The following GOSR2 variants were observed in gnomAD, a reference collection of about 807,000 sequenced individuals.
GOSR2 encodes the protein 27 kDa Golgi SNARE protein.
GOSR2 carries 20 observed loss-of-function variants against 27.9 expected under a neutral mutation model. That is an observed-to-expected ratio of 0.72 (90% CI 0.50 to 1.04). The LOEUF (loss-of-function observed/expected upper bound fraction) is 1.04. Among genes scored for constraint, GOSR2 ranks in the 50% least tolerant of loss-of-function variants. The pLI, the probability that GOSR2 is intolerant of heterozygous loss-of-function variation, is 0.00. For missense variants in GOSR2, 261 were observed against 270.5 expected (o/e 0.97, Z 0.25); for synonymous variants, 91 against 98.8 (o/e 0.92, Z 0.47).
At chr17:46,953,026 TTTA>T (rs769524542) in intron 6 of GOSR2, among the ~76,000 whole-genome samples, 67 of 152,092 alleles carry the variant, frequency 4.4e-4, no homozygotes, top group Admixed American at 9.2e-4. Context: ...GTTTTTAAAT[TTTA>T]TTATTATTTT....
At chr17:46,961,029 T>G (rs1270975621) in intron 6 of GOSR2, among the ~76,000 whole-genome samples, 3 of 150,978 alleles carry the variant, frequency 2.0e-5, no homozygotes, top group African/African-American at 7.3e-5. Flanking sequence ...TTGGGGAGAG[T>G]TTAAAAAAAA....
At chr17:46,958,202 G>A (rs1302674538) in intron 6 of GOSR2, among the ~76,000 whole-genome samples, 1 of 152,208 alleles carries the variant, frequency 6.6e-6, no homozygotes, top group Non-Finnish European at 1.5e-5. Context: ...GTTTGGTCAG[G>A]CCAACCAACT....
At chr17:46,935,760 G>A (rs1406974933) in intron 5 of GOSR2, 3 of 987,010 alleles carry the variant, frequency 3.0e-6, no homozygotes, top group Non-Finnish European at 1.2e-6. Context: ...TGACCAGTTG[G>A]CACTGCTGAG....
intron 1 of GOSR2, among the ~76,000 whole-genome samples, chr17:46,927,668 T>C (rs992922221): frequency 2.0e-5 from 3 of 152,216 alleles, no homozygotes; most frequent in Non-Finnish European, 4.4e-5. Flanking sequence ...CGTGGGGCTG[T>C]GTCTAGGCTG....
chr17:46,966,834 C>G (rs569282937), exon 7 of GOSR2: 8 of 422,956 alleles, frequency 1.9e-5, no homozygotes, highest in East Asian at 1.1e-4. Flanking sequence ...AAAAGTGCTT[C>G]ACACCATTCC....
intron 6 of GOSR2, chr17:46,964,621 G>C (rs1048464693): frequency 6.6e-6 from 1 of 152,232 alleles, no homozygotes; most frequent in South Asian, 2.1e-4. Context: ...CAGCCTCCTC[G>C]ATTTGGATGG....
At chr17:46,925,319 C>T (rs1014880979) in intron 1 of GOSR2, among the ~76,000 whole-genome samples, 4 of 152,188 alleles carry the variant, frequency 2.6e-5, no homozygotes, top group African/African-American at 9.7e-5. Flanking sequence ...ACTATTAGGC[C>T]CTCTGCTACC....
chr17:46,939,653 A>T lies in GOSR2; in HGVS notation c.*893A>T. ...TCTTTGGTTCCCTTCTCTTCCCTGA[A>T]ATATATTAGCACCTGCCAGCCAGGC... On this transcript the variant is annotated 3_prime_UTR_variant, in exon 6 of 6. Coordinates refer to ENST00000640051, the MANE Select transcript of GOSR2 (RefSeq NM_004287.5). The T allele has an allele frequency of 2.0e-6, 2 of 985,600 alleles. No individual in the cohort carries two copies. The highest frequency in any genetic ancestry group is 2.4e-6 in the Non-Finnish European group (2 of 830,096). 61.1% of individuals were successfully genotyped at this position (985,600 alleles called of 1,614,324 possible).
At chr17:46,970,535 C>CAA (rs58781204), downstream of GOSR2, among the ~76,000 whole-genome samples, 82 of 51,172 alleles carry the variant, frequency 1.6e-3, no homozygotes, top group African/African-American at 3.7e-3. Flanking sequence ...GACTCCATCT[C>CAA]AAAAAAAAAA....
intron 4 of GOSR2, chr17:46,933,552 C>T (rs1300242159): frequency 6.6e-6 from 1 of 151,686 alleles, no homozygotes; most frequent in Non-Finnish European, 1.5e-5. Flanking sequence ...TGAGGAGCTC[C>T]CCTGTTAGCA....
intron 1 of GOSR2, chr17:46,924,602 TTCTC>T (rs2086211354): frequency 6.6e-6 from 1 of 152,360 alleles, no homozygotes; most frequent in East Asian, 1.9e-4. Context: ...ATGATCCTCT[TTCTC>T]TTTCATTTTC....
chr17:46,941,748 T>C lies in GOSR2; in HGVS notation c.*2988T>C, dbSNP rs2089306391. 1.1e-5 allele frequency: 2 copies of C among 174,884 alleles called. No homozygotes were observed. Among genetic ancestry groups the C allele is most frequent in the African/African-American group, 4.8e-5 (2 of 41,764 alleles). 10.8% of individuals were successfully genotyped at this position (174,884 alleles called of 1,614,324 possible). ...GCCACCATGTCTGGCTAATTTTTTTTTTTTTTTTGTATTTTTTAGTAGAGA... is the reference window on the plus strand; with the variant it reads ...GCCACCATGTCTGGCTAATTTTTTTCTTTTTTTTGTATTTTTTAGTAGAGA... On this transcript the variant is annotated 3_prime_UTR_variant, in exon 6 of 6. Coordinates refer to ENST00000640051, the MANE Select transcript of GOSR2 (RefSeq NM_004287.5).
intron 2 of GOSR2, chr17:46,930,647 T>C (rs1402450897): frequency 8.0e-6 from 1 of 125,686 alleles, no homozygotes; most frequent in Non-Finnish European, 1.5e-5. Flanking sequence ...CCCCTTCCTT[T>C]ATGCTTTTTT....
intron 5 of GOSR2, 144 bp downstream of exon 5, chr17:46,935,313 T>G: frequency 6.5e-7 from 1 of 1,530,576 alleles, no homozygotes; most frequent in Non-Finnish European, 8.8e-7. Context: ...TTGGGATCCT[T>G]TCTGTTGGAG....
At chr17:46,944,255 A>G (rs920304026), downstream of GOSR2, among the ~76,000 whole-genome samples, 4 of 152,228 alleles carry the variant, frequency 2.6e-5, no homozygotes, top group African/African-American at 9.6e-5. Flanking sequence ...AGCCCTCCGC[A>G]GTTTGCACTG....
At position 46,941,122 on chromosome 17, in the gene GOSR2, C is replaced by T; in HGVS notation, c.*2362C>T. 1 of 1,022,432 alleles carries T rather than the reference C, an allele frequency of 9.8e-7. No individual in the cohort carries two copies. Among genetic ancestry groups the T allele is most frequent in the Non-Finnish European group, 1.2e-6 (1 of 850,588 alleles). The allele number at this position is 1,022,432 out of a possible 1,614,324, so 63.3% of individuals were successfully genotyped here. ...TTGTGATTTAAAACAGGTGGGTTATCAAGAGGAACTTGAGATCTCTTTATT... is the reference window on the plus strand; with the variant it reads ...TTGTGATTTAAAACAGGTGGGTTATTAAGAGGAACTTGAGATCTCTTTATT... On this transcript the variant is annotated 3_prime_UTR_variant, in exon 6 of 6. Transcript: ENST00000640051.
Position 46,938,775 on chromosome 17 carries a change from G to C in GOSR2, c.*15G>C, listed in dbSNP as rs772447527. 1 of 1,613,790 alleles carries C rather than the reference G, an allele frequency of 6.2e-7. No homozygotes were observed. Among genetic ancestry groups the C allele is most frequent in the Non-Finnish European group, 8.5e-7 (1 of 1,179,990 alleles). On this transcript the variant is annotated 3_prime_UTR_variant, in exon 6 of 6. Coordinates refer to ENST00000640051, the MANE Select transcript of GOSR2 (RefSeq NM_004287.5). Reference sequence around the variant, plus strand: ...ACCTGACATGAGCCAGCCACGCTCAGTGGCTGAACAGCATTCCCACAGCCT... The same window carrying C: ...ACCTGACATGAGCCAGCCACGCTCACTGGCTGAACAGCATTCCCACAGCCT...
chr17:46,958,592 C>T (rs2090872179), intron 6 of GOSR2, among the ~76,000 whole-genome samples: 1 of 152,166 alleles, frequency 6.6e-6, no homozygotes, highest in South Asian at 2.1e-4. Flanking sequence ...GTGTGGGATA[C>T]CACAGTGAGA....
intron 6 of GOSR2, among the ~76,000 whole-genome samples, chr17:46,956,979 G>T (rs1356949600): frequency 6.6e-6 from 1 of 152,210 alleles, no homozygotes; most frequent in East Asian, 1.9e-4. Flanking sequence ...GGTTGCGGGG[G>T]TGAGCTGGGC....
Sources: allele counts gnomAD v4.1 joint callset (sites outside exome capture counted in the v4.1 genomes callset), GRCh38; gene constraint gnomAD v4.1.1; transcripts MANE v1.5; gene names NCBI Gene and HGNC (gene_info 2026-07-23, HGNC 2026-07-21).